The following MICU1 variants were observed in gnomAD, a reference collection of about 807,000 sequenced individuals.
MICU1 encodes calcium uptake protein 1, mitochondrial.
Under a neutral mutation model 56.8 loss-of-function variants are expected in MICU1, and 45 were observed. The ratio of observed to expected loss-of-function variants is 0.79; its 90% CI spans 0.62 to 1.02. The LOEUF (loss-of-function observed/expected upper bound fraction) is 1.02, where lower values mean the gene tolerates loss of function less well. MICU1 is among the 50% of genes least tolerant of loss of function. The pLI, the probability that MICU1 is intolerant of heterozygous loss-of-function variation, is 0.00. For synonymous variants in MICU1, 186 were observed against 195.1 expected (o/e 0.95, Z 0.39); for missense variants, 504 against 587.1 (o/e 0.86, Z 1.46).
chr10:72,500,276 A>ATATATATT (rs1471953951), intron 6 of MICU1, among the ~76,000 whole-genome samples: 25 of 11,532 alleles, frequency 2.2e-3, no homozygotes, highest in African/African-American at 4.5e-3. Context: ...ATATATATAT[A>ATATATATT]TATATATATA....
At chr10:72,428,124 G>A (rs1211577798) in intron 8 of MICU1, among the ~76,000 whole-genome samples, 1 of 152,146 alleles carries the variant, frequency 6.6e-6, no homozygotes, top group African/African-American at 2.4e-5. Flanking sequence ...CAGCTTTATT[G>A]CAAACACTAA....
chr10:72,510,471 A>G (rs1052821262), intron 5 of MICU1, among the ~76,000 whole-genome samples: 1 of 152,134 alleles, frequency 6.6e-6, no homozygotes, highest in Admixed American at 6.5e-5. Context: ...GACATTCTCT[A>G]ATGGTCACAA....
chr10:72,374,808 CTTTTTTT>C (rs34228174), intron 11 of MICU1, among the ~76,000 whole-genome samples: 36 of 77,228 alleles, frequency 4.7e-4, no homozygotes, highest in East Asian at 8.8e-4. Context: ...CTACTATTAT[CTTTTTTT>C]TTTTTTTTTT....
chr10:72,426,104 G>T (rs560872018), intron 8 of MICU1, among the ~76,000 whole-genome samples: 7 of 152,000 alleles, frequency 4.6e-5, no homozygotes, highest in African/African-American at 1.7e-4. Flanking sequence ...TACAACTTCC[G>T]CCTTCTGGGT....
At chr10:72,425,050 T>C (rs1171510767) in intron 8 of MICU1, among the ~76,000 whole-genome samples, 1 of 152,222 alleles carries the variant, frequency 6.6e-6, no homozygotes, top group East Asian at 1.9e-4. Flanking sequence ...CAATTTACTA[T>C]CCTGAAACAA....
At chr10:72,475,455 GTC>G (rs1173908204) in intron 7 of MICU1, among the ~76,000 whole-genome samples, 158 bp from the exon 8 acceptor site, 3 of 149,174 alleles carry the variant, frequency 2.0e-5, no homozygotes, top group Admixed American at 6.6e-5. Context: ...TTGAGACAGA[GTC>G]TCTCTCTGTC....
At chr10:72,618,815 T>C (rs964419090) in intron 1 of MICU1, among the ~76,000 whole-genome samples, 2 of 152,234 alleles carry the variant, frequency 1.3e-5, no homozygotes, top group Non-Finnish European at 2.9e-5. Context: ...ATGTGAGTAC[T>C]GGGCATCTGA....
At chr10:72,527,560 G>T (rs947298956) in intron 5 of MICU1, among the ~76,000 whole-genome samples, 3 of 151,990 alleles carry the variant, frequency 2.0e-5, no homozygotes, top group African/African-American at 7.2e-5. Context: ...AAGGGCTATT[G>T]CTATGTTGCC....
At chr10:72,590,577 G>A (rs935240285) in intron 1 of MICU1, among the ~76,000 whole-genome samples, 15 of 152,030 alleles carry the variant, frequency 9.9e-5, no homozygotes, top group African/African-American at 3.6e-4. Context: ...TTGGGAGGCC[G>A]AGGTGGGCGG....
chr10:72,572,714 A>G (rs6480631), intron 1 of MICU1, among the ~76,000 whole-genome samples: 89,209 of 151,882 alleles, frequency 0.59, 27,509 homozygotes, highest in Non-Finnish European at 0.68. Context: ...CTGTGAAAAG[A>G]TACTTAATCT....
At chr10:72,484,593 T>C (rs1866405384) in intron 6 of MICU1, among the ~76,000 whole-genome samples, 1 of 152,186 alleles carries the variant, frequency 6.6e-6, no homozygotes, top group African/African-American at 2.4e-5. Context: ...CTAGGTGCAG[T>C]GGCTCATGCC....
At chr10:72,487,793 T>C (rs1866522578) in intron 6 of MICU1, among the ~76,000 whole-genome samples, 1 of 152,196 alleles carries the variant, frequency 6.6e-6, no homozygotes, top group Admixed American at 6.5e-5. Flanking sequence ...AGAGCTTCAA[T>C]GGGAAGTCAT....
At chr10:72,452,712 C>T (rs894210547) in intron 8 of MICU1, among the ~76,000 whole-genome samples, 16 of 152,166 alleles carry the variant, frequency 1.1e-4, no homozygotes, top group Admixed American at 2.6e-4. Context: ...ACACTGAAAT[C>T]GCCTAATGAT....
At chr10:72,501,039 A>C (rs1177292497) in intron 6 of MICU1, among the ~76,000 whole-genome samples, 1 of 151,828 alleles carries the variant, frequency 6.6e-6, no homozygotes, top group Non-Finnish European at 1.5e-5. Context: ...AGTCCTTGGA[A>C]ATTATTTAAT....
At chr10:72,524,097 T>A in intron 5 of MICU1, 4 of 685,084 alleles carry the variant, frequency 5.8e-6, no homozygotes, top group Non-Finnish European at 7.9e-6. Context: ...ACAGTTCAAG[T>A]AGGAACATAA....
At chr10:72,606,349 T>C (rs534052243) in intron 1 of MICU1, among the ~76,000 whole-genome samples, 186 of 151,688 alleles carry the variant, frequency 1.2e-3, no homozygotes, top group Non-Finnish European at 2.0e-3. Flanking sequence ...CCGTCTCTAC[T>C]GAAAATACAA....
At chr10:72,526,755 T>G (rs1394453189) in intron 5 of MICU1, among the ~76,000 whole-genome samples, 1 of 152,138 alleles carries the variant, frequency 6.6e-6, no homozygotes, top group Non-Finnish European at 1.5e-5. Flanking sequence ...TTCCAAATTA[T>G]CTTAAATACT....
At chr10:72,516,868 G>A (rs189671490) in intron 5 of MICU1, among the ~76,000 whole-genome samples, 1 of 152,262 alleles carries the variant, frequency 6.6e-6, no homozygotes, top group Admixed American at 6.5e-5. Context: ...TTTTGCAGTT[G>A]GGGTGGTAAA....
intron 1 of MICU1, among the ~76,000 whole-genome samples, chr10:72,623,410 TG>T (rs1842157498): frequency 6.8e-6 from 1 of 148,122 alleles, no homozygotes; most frequent in Admixed American, 6.7e-5. Flanking sequence ...AAAGAAAATA[TG>T]TGTGGAAAAA....
Sources: gnomAD v4.1 joint callset for allele counts (sites outside exome capture counted in the v4.1 genomes callset) on GRCh38, gnomAD v4.1.1 for gene constraint, MANE v1.5 for transcripts, NCBI Gene and HGNC (gene_info 2026-07-23, HGNC 2026-07-21) for gene names.